Variants in NF1 observed in about 807,000 individuals in gnomAD.
NF1 encodes the protein neurofibromin 1, also known as neurofibromin.
A neutral mutation model predicts 325.7 loss-of-function variants in NF1; 122 were observed. The observed-to-expected ratio is 0.37, with a 90% CI of 0.32 to 0.44. The LOEUF (loss-of-function observed/expected upper bound fraction) is 0.44, where lower values mean the gene tolerates loss of function less well. Among genes scored for constraint, NF1 ranks in the 20% least tolerant of loss-of-function variants. NF1 has a pLI of 1.00. For synonymous variants in NF1, 1,091 were observed against 1,186.0 expected, an observed-to-expected ratio of 0.92 and a Z score of 1.65; for missense variants, 2,140 against 3,415.4, an observed-to-expected ratio of 0.63 and a Z score of 9.31.
At chr17:31,153,557 C>G (rs1917094685) in intron 1 of NF1, among the ~76,000 whole-genome samples, 1 of 152,212 alleles carries the variant, frequency 6.6e-6, no homozygotes, top group African/African-American at 2.4e-5. Context: ...CTCCTCTTGT[C>G]AGATCCATTA....
At chr17:31,356,896 T>G in intron 52 of NF1, 64 bp from the exon 53 acceptor site, 5 of 1,602,094 alleles carry the variant, frequency 3.1e-6, no homozygotes, top group Non-Finnish European at 4.3e-6. Context: ...GAAGTAACAT[T>G]GAAATAGTTA....
intron 57 of NF1, among the ~76,000 whole-genome samples, chr17:31,372,611 G>GAC (rs2070665110): frequency 6.6e-6 from 1 of 152,150 alleles, no homozygotes; most frequent in Non-Finnish European, 1.5e-5. Flanking sequence ...CCGCAAGGGT[G>GAC]ACCACAGTCC....
intron 1 of NF1, among the ~76,000 whole-genome samples, chr17:31,097,128 G>A (rs565789140): frequency 2.0e-3 from 304 of 152,028 alleles, no homozygotes; most frequent in African/African-American, 6.9e-3. Flanking sequence ...TCATCTCTAG[G>A]CTTATTTGCC....
intron 36 of NF1, among the ~76,000 whole-genome samples, chr17:31,317,083 G>A (rs2069039334): frequency 6.6e-6 from 1 of 152,080 alleles, no homozygotes; most frequent in Non-Finnish European, 1.5e-5. Flanking sequence ...GGGAGAGTAA[G>A]ATTGTAGTCA....
intron 36 of NF1, among the ~76,000 whole-genome samples, chr17:31,323,283 C>A (rs1177337928): frequency 6.6e-6 from 1 of 151,906 alleles, no homozygotes; most frequent in Non-Finnish European, 1.5e-5. Context: ...CATGGTGGCG[C>A]TTATCTGTAG....
At chr17:31,372,535 C>T (rs1346304981) in intron 57 of NF1, among the ~76,000 whole-genome samples, 1 of 152,182 alleles carries the variant, frequency 6.6e-6, no homozygotes, top group Non-Finnish European at 1.5e-5. Context: ...CCATCATCTA[C>T]ATCAAGAAAC....
intron 35 of NF1, among the ~76,000 whole-genome samples, chr17:31,264,871 G>A (rs1336657214): frequency 4.6e-5 from 7 of 152,060 alleles, no homozygotes; most frequent in African/African-American, 1.7e-4. Flanking sequence ...AAAAAAATGA[G>A]CAAAGCAAGG....
chr17:31,182,673 G>A lies in NF1; in HGVS notation c.888+8G>A, dbSNP rs772234682. On this transcript the variant is annotated splice_region_variant and intron_variant, in intron 8 of 57. Coordinates refer to ENST00000358273, the MANE Select transcript of NF1 (RefSeq NM_001042492.3). ...GAAAACAACATGAATAAGGTAAGGA[G>A]GGCAAAATTATTTCCATTATATCTA... 4.3e-6 allele frequency: 7 copies of A among 1,611,256 alleles called. No homozygotes were observed. The East Asian group carries it at 1.6e-4, about 36-fold the overall frequency.
chr17:31,251,096 T>G (rs1764234189), intron 30 of NF1: 2 of 195,812 alleles, frequency 1.0e-5, no homozygotes, highest in South Asian at 3.8e-4. Context: ...AAAGCTTTGG[T>G]CTCAAGATAG....
At chr17:31,351,113 T>G (rs17885193) in intron 50 of NF1, among the ~76,000 whole-genome samples, 3,738 of 152,222 alleles carry the variant, frequency 0.025, 168 homozygotes, top group African/African-American at 0.085. Flanking sequence ...GCCCTTTTTG[T>G]TATAGAAAGG....
intron 36 of NF1, among the ~76,000 whole-genome samples, chr17:31,309,179 A>T (rs1040423400): frequency 2.6e-5 from 4 of 152,186 alleles, no homozygotes; most frequent in African/African-American, 9.7e-5. Flanking sequence ...CAAAGCATAC[A>T]TTCTTTCTGC....
chr17:31,170,969 C>G (rs1289844792), intron 5 of NF1, among the ~76,000 whole-genome samples: 1 of 152,062 alleles, frequency 6.6e-6, no homozygotes, highest in Non-Finnish European at 1.5e-5. Context: ...TAATATCTGA[C>G]CTAAAACAGA....
In NF1 at chr17:31,114,461, C is replaced by G. The variant is rs547523831; in HGVS notation, c.60+19092C>G. Among the ~76,000 whole-genome samples, 436 of 151,672 alleles carry G rather than the reference C, an allele frequency of 2.9e-3. 2 individuals carry two copies. Among genetic ancestry groups the G allele is most frequent in the African/African-American group, 9.5e-3 (394 of 41,286 alleles). On this transcript the variant is annotated intron_variant, in intron 1 of 57. Transcript: ENST00000358273. ...GCTGAGGCAGGAGAATCGCTTCAAC[C>G]CAGGAGGCAGACGTGGCAGTGAGCT...
chr17:31,179,878 G>A (rs1008191147), intron 5 of NF1, among the ~76,000 whole-genome samples: 6 of 151,884 alleles, frequency 4.0e-5, no homozygotes, highest in Admixed American at 2.0e-4. Flanking sequence ...AAGAAAGAGA[G>A]GAGAATCAAA....
intron 57 of NF1, among the ~76,000 whole-genome samples, chr17:31,363,381 T>C (rs1038335499): frequency 1.3e-5 from 2 of 152,072 alleles, no homozygotes; most frequent in African/African-American, 4.8e-5. Flanking sequence ...TGTTTATAAT[T>C]AGGTATATTG....
chr17:31,181,540 G>T lies in NF1; in HGVS notation c.654+51G>T, dbSNP rs780489274. The T allele has an allele frequency of 4.5e-5, 69 of 1,543,428 alleles. 1 individual carries two copies. In the Middle Eastern group the frequency reaches 6.8e-4, roughly 15 times the overall value. On this transcript the variant is annotated intron_variant, in intron 6 of 57. Transcript: ENST00000358273. Reference sequence around the variant, plus strand: ...AAATTTTGTTTTTGATGTAAAATTTGCTGTTGTTAGCATCCTGAATCAAAA... The same window carrying T: ...AAATTTTGTTTTTGATGTAAAATTTTCTGTTGTTAGCATCCTGAATCAAAA...
intron 36 of NF1, among the ~76,000 whole-genome samples, chr17:31,275,664 T>C (rs1239676244): frequency 6.6e-6 from 1 of 152,204 alleles, no homozygotes; most frequent in Non-Finnish European, 1.5e-5. Context: ...ACTACTGTAC[T>C]TTCCTCATTC....
chr17:31,227,354 T>G, intron 19 of NF1, 63 bp downstream of exon 19: 1 of 1,546,124 alleles, frequency 6.5e-7, no homozygotes, highest in Non-Finnish European at 8.9e-7. Context: ...AAGCCTCTTG[T>G]TACATATGTG....
intron 22 of NF1, 28 bp downstream of exon 22, chr17:31,230,002 AAC>A: frequency 6.2e-7 from 1 of 1,611,288 alleles, no homozygotes; most frequent in African/African-American, 1.3e-5. Context: ...ATGTAGCAGA[AAC>A]ATTTTAAGAG....
Sources: gnomAD v4.1 joint callset for allele counts (sites outside exome capture counted in the v4.1 genomes callset) on GRCh38, gnomAD v4.1.1 for gene constraint, MANE v1.5 for transcripts, NCBI Gene and HGNC (gene_info 2026-07-23, HGNC 2026-07-21) for gene names.